INHBC: variants seen among roughly 807,000 people sequenced by gnomAD.
INHBC encodes the protein inhibin subunit beta C.
Under a neutral mutation model 12.4 loss-of-function variants are expected in INHBC, and 10 were observed. The observed-to-expected ratio is 0.81, with a 90% CI of 0.50 to 1.37. The LOEUF is 1.37. Ranked by LOEUF, INHBC falls within the 40% of genes most tolerant of loss-of-function variation. The pLI, the probability that INHBC is intolerant of heterozygous loss-of-function variation, is 0.00. For synonymous variants in INHBC, 147 were observed against 171.6 expected (o/e 0.86, Z 1.12); for missense variants, 382 against 439.4 (o/e 0.87, Z 1.17).
At chr12:57,439,011 G>A (rs187159460) in intron 1 of INHBC, among the ~76,000 whole-genome samples, 1 of 152,194 alleles carries the variant, frequency 6.6e-6, no homozygotes, top group Admixed American at 6.5e-5. Flanking sequence ...AGCATTCAGT[G>A]ATGTCACATT....
chr12:57,436,161 A>T lies in INHBC; in HGVS notation c.313+962A>T, dbSNP rs998120895. 4.5e-4 allele frequency among the ~76,000 whole-genome samples: 60 copies of T among 132,936 alleles called. No homozygotes were observed. The East Asian group carries it at 9.0e-3, about 20-fold the overall frequency. 87.2% of individuals were successfully genotyped at this position (132,936 alleles called of 152,430 possible). A position where few individuals can be genotyped will look rare whatever the true frequency, so the allele number is the denominator to read the frequency against. ...CGCCCGGCAACCCTGTCTCTTTTTT[A>T]AAAAACTTTTTTTTTTTTTTTTTGA... On this transcript the variant is annotated intron_variant, in intron 1 of 1. Coordinates refer to ENST00000309668, the MANE Select transcript of INHBC (RefSeq NM_005538.4).
chr12:57,447,464 C>T (rs549379617), intron 1 of INHBC, among the ~76,000 whole-genome samples: 5 of 151,186 alleles, frequency 3.3e-5, no homozygotes, highest in Admixed American at 1.3e-4. Context: ...GGATTACAGA[C>T]GTGAGCCACC....
intron 1 of INHBC, among the ~76,000 whole-genome samples, chr12:57,436,080 C>T (rs1209932688): frequency 6.6e-6 from 1 of 152,024 alleles, no homozygotes; most frequent in South Asian, 2.1e-4. Flanking sequence ...CTCCTGACCT[C>T]GTGATCCTCC....
At chr12:57,443,882 G>A (rs1457560434) in intron 1 of INHBC, among the ~76,000 whole-genome samples, 1 of 151,676 alleles carries the variant, frequency 6.6e-6, no homozygotes, top group African/African-American at 2.4e-5. Context: ...TTTGCCTCCT[G>A]AGTTCAAGCA....
At chr12:57,447,145 G>C (rs1870595134) in intron 1 of INHBC, among the ~76,000 whole-genome samples, 1 of 146,432 alleles carries the variant, frequency 6.8e-6, no homozygotes, top group Non-Finnish European at 1.6e-5. Flanking sequence ...ATTCTGGTGA[G>C]ACAAGGTATA....
In INHBC at chr12:57,449,463, A is replaced by C; in HGVS notation, c.500A>C (p.Gln167Pro). Residue 167 changes from glutamine (Q) to proline (P), a missense_variant, in exon 2 of 2, where the codon CAG (glutamine) becomes CCG (proline). Transcript: ENST00000309668. ...AATACCAACCTCACCTTGGCTACTCAGTACCTGCTGGAGGTGGATGCCAGT... is the reference window on the plus strand; with the variant it reads ...AATACCAACCTCACCTTGGCTACTCCGTACCTGCTGGAGGTGGATGCCAGT... ...PHNTNLTLATQYLLEVDASGW... is the reference protein window; with the variant it reads ...PHNTNLTLATPYLLEVDASGW... 1.9e-6 allele frequency: 3 copies of C among 1,614,176 alleles called. No individual in the cohort carries two copies. The highest frequency in any genetic ancestry group is 2.5e-6 in the Non-Finnish European group (3 of 1,180,016).
chr12:57,434,922 G>C lies in INHBC; in HGVS notation c.36G>C (p.Leu12=). 6.2e-7 allele frequency: 1 copy of C among 1,613,908 alleles called. No homozygotes were observed. The highest frequency in any genetic ancestry group is 1.1e-5 in the South Asian group (1 of 91,084). The change falls in exon 1 of 2, where the codon CTG becomes CTC. Residue 12 remains leucine, a synonymous_variant. Coordinates refer to ENST00000309668, the MANE Select transcript of INHBC (RefSeq NM_005538.4). ...TSSLLLAFLL[L]APTTVATPRA... ...CATTGCTTCTGGCCTTTCTCCTCCTGGCTCCAACCACAGTGGCCACTCCCA... is the reference window on the plus strand; with the variant it reads ...CATTGCTTCTGGCCTTTCTCCTCCTCGCTCCAACCACAGTGGCCACTCCCA...
chr12:57,443,834 G>C (rs553234123), intron 1 of INHBC, among the ~76,000 whole-genome samples: 1 of 152,212 alleles, frequency 6.6e-6, no homozygotes, highest in South Asian at 2.1e-4. Flanking sequence ...TGTCACCCAG[G>C]CTGGAGTGCA....
At chr12:57,447,892 A>AAAAATATATATATATAT (rs1555325179) in intron 1 of INHBC, among the ~76,000 whole-genome samples, 1 of 19,876 alleles carries the variant, frequency 5.0e-5, no homozygotes, top group Non-Finnish European at 1.1e-4. Flanking sequence ...AAAAAAAAAA[A>AAAAATATATATATATAT]ATATATATAT....
At chr12:57,442,055 C>T (rs12367775) in intron 1 of INHBC, among the ~76,000 whole-genome samples, 7 of 152,090 alleles carry the variant, frequency 4.6e-5, no homozygotes, top group Non-Finnish European at 1.0e-4. Flanking sequence ...CTGAGGTCTC[C>T]CATGCAACTT....
intron 1 of INHBC, among the ~76,000 whole-genome samples, chr12:57,437,872 G>A (rs1169025616): frequency 6.6e-6 from 1 of 151,306 alleles, no homozygotes; most frequent in Non-Finnish European, 1.5e-5. Flanking sequence ...TGCAACCCCC[G>A]CCTCCCGGGT....
chr12:57,437,670 CA>C lies in INHBC; in HGVS notation c.313+2486del, dbSNP rs34920755. ...TGGGGGACAGAGTGACACTCCGTCT[CA>C]AAAAAAAAAAAAAAGAAAGAAAGAA... On this transcript the variant is annotated intron_variant, in intron 1 of 1. Coordinates refer to ENST00000309668, the MANE Select transcript of INHBC (RefSeq NM_005538.4). Among the ~76,000 whole-genome samples, 1,100 of 113,848 alleles carry C rather than the reference CA, an allele frequency of 9.7e-3. 12 individuals are homozygous for C. The highest frequency in any genetic ancestry group is 0.032 in the East Asian group (126 of 3,964). 74.7% of individuals were successfully genotyped at this position (113,848 alleles called of 152,430 possible).
chr12:57,436,630 G>A (rs1299583899), intron 1 of INHBC, among the ~76,000 whole-genome samples: 7 of 151,284 alleles, frequency 4.6e-5, no homozygotes, highest in Non-Finnish European at 8.8e-5. Flanking sequence ...ACAGGTATGC[G>A]CCATCATGCC....
chr12:57,448,180 G>C (rs1485431371), intron 1 of INHBC, among the ~76,000 whole-genome samples: 2 of 151,718 alleles, frequency 1.3e-5, no homozygotes, highest in African/African-American at 2.4e-5. Context: ...TAGAAATCTA[G>C]GCCTGAAGCT....
At chr12:57,443,280 G>A (rs182351732) in intron 1 of INHBC, among the ~76,000 whole-genome samples, 3 of 150,798 alleles carry the variant, frequency 2.0e-5, no homozygotes, top group African/African-American at 4.9e-5. Context: ...ACCATGCCCA[G>A]CTAATTTTTT....
At chr12:57,449,039 G>A (rs1047579625) in intron 1 of INHBC, among the ~76,000 whole-genome samples, 19 of 152,068 alleles carry the variant, frequency 1.2e-4, no homozygotes, top group Admixed American at 1.1e-3. Context: ...CCAAGATAAG[G>A]GCATTAATCC....
At chr12:57,438,949 G>A (rs566883100) in intron 1 of INHBC, among the ~76,000 whole-genome samples, 1 of 152,232 alleles carries the variant, frequency 6.6e-6, no homozygotes, top group East Asian at 1.9e-4. Context: ...ATGTCCTAGC[G>A]CTGGCTTATT....
At chr12:57,447,917 AT>A (rs1566551450) in intron 1 of INHBC, among the ~76,000 whole-genome samples, 61 of 113,702 alleles carry the variant, frequency 5.4e-4, no homozygotes, top group African/African-American at 1.8e-3. Flanking sequence ...ATATATATAT[AT>A]ATATAAAATA....
intron 1 of INHBC, among the ~76,000 whole-genome samples, chr12:57,440,472 A>G (rs1022474062): frequency 6.6e-6 from 1 of 151,722 alleles, no homozygotes; most frequent in Non-Finnish European, 1.5e-5. Flanking sequence ...AGCTGGGACT[A>G]CAGGTGCACA....
Sources: gnomAD v4.1 joint callset for allele counts (sites outside exome capture counted in the v4.1 genomes callset) on GRCh38, gnomAD v4.1.1 for gene constraint, MANE v1.5 for transcripts, NCBI Gene and HGNC (gene_info 2026-07-23, HGNC 2026-07-21) for gene names.